Variants in TEX15 observed in about 807,000 individuals in gnomAD.
TEX15 encodes testis-expressed protein 15.
Under a neutral mutation model 237.3 loss-of-function variants are expected in TEX15, and 171 were observed. The ratio of observed to expected loss-of-function variants is 0.72; its 90% confidence interval spans 0.64 to 0.82. The LOEUF (loss-of-function observed/expected upper bound fraction) is 0.82, where lower values mean the gene tolerates loss of function less well. TEX15 is among the 40% of genes least tolerant of loss of function. TEX15 has a pLI of 0.00. For missense variants in TEX15, 3,750 were observed against 3,646.5 expected (o/e 1.03, Z -0.73); for synonymous variants, 1,338 against 1,269.8 (o/e 1.05, Z -1.14).
chr8:30,855,591 T>C (rs1807892089), intron 7 of TEX15, among the ~76,000 whole-genome samples: 1 of 152,184 alleles, frequency 6.6e-6, no homozygotes, highest in Admixed American at 6.5e-5. Flanking sequence ...CACTCTTGGA[T>C]ATACTGTACT....
intron 2 of TEX15, among the ~76,000 whole-genome samples, chr8:30,896,107 C>T (rs900933475): frequency 6.6e-6 from 1 of 152,066 alleles, no homozygotes; most frequent in Non-Finnish European, 1.5e-5. Flanking sequence ...AAGACTGGAA[C>T]ATCTGGAATG....
chr8:30,858,503 G>A (rs1055302920), intron 7 of TEX15, among the ~76,000 whole-genome samples, 165 bp downstream of exon 7: 2 of 151,924 alleles, frequency 1.3e-5, no homozygotes, highest in African/African-American at 2.4e-5. Context: ...CTAGAGACGG[G>A]GTTTTGCTAT....
At chr8:30,841,739 C>T (rs906026316) in intron 8 of TEX15, among the ~76,000 whole-genome samples, 1 of 152,016 alleles carries the variant, frequency 6.6e-6, no homozygotes, top group Non-Finnish European at 1.5e-5. Flanking sequence ...TTTTAAAATC[C>T]ACGTCCTTCC....
At chr8:30,862,055 G>T (rs1808062756) in intron 5 of TEX15, among the ~76,000 whole-genome samples, 1 of 152,086 alleles carries the variant, frequency 6.6e-6, no homozygotes, top group African/African-American at 2.4e-5. Flanking sequence ...ACACACTGTG[G>T]ATGGAAATGT....
At chr8:30,852,710 T>A (rs958881835) in intron 7 of TEX15, among the ~76,000 whole-genome samples, 1 of 151,538 alleles carries the variant, frequency 6.6e-6, no homozygotes, top group Non-Finnish European at 1.5e-5. Flanking sequence ...AAAATTGAAA[T>A]AAAAAAGTAG....
At chr8:30,838,518 G>A (rs1391765640) in intron 9 of TEX15, among the ~76,000 whole-genome samples, 3 of 151,530 alleles carry the variant, frequency 2.0e-5, no homozygotes, top group African/African-American at 7.3e-5. Flanking sequence ...AGACTAATAC[G>A]TTTTTGTCTG....
intron 1 of TEX15, among the ~76,000 whole-genome samples, chr8:30,905,951 C>T (rs1009626482): frequency 6.6e-6 from 1 of 151,786 alleles, no homozygotes; most frequent in Non-Finnish European, 1.5e-5. Flanking sequence ...ATTTTATCTG[C>T]CCCTTACTGA....
intron 3 of TEX15, among the ~76,000 whole-genome samples, chr8:30,879,926 CCTTT>C (rs1452903374): frequency 3.7e-5 from 4 of 106,786 alleles, no homozygotes; most frequent in East Asian, 4.3e-4. Context: ...ATTTAGATTT[CCTTT>C]TTTTTTTTAA....
At chr8:30,889,937 A>ATATATATATACATATATATATATATACG (rs1808752584) in intron 2 of TEX15, among the ~76,000 whole-genome samples, 13 of 124,310 alleles carry the variant, frequency 1.0e-4, no homozygotes, top group African/African-American at 4.2e-4. Context: ...TTATATACAT[A>ATATATATATACATATATATATATATACG]TATATATATA....
In TEX15 at chr8:30,848,890, G is replaced by A; in HGVS notation, c.1277C>T (p.Thr426Ile). 6.2e-7 allele frequency: 1 copy of A among 1,614,144 alleles called. No homozygotes were observed. Among genetic ancestry groups the A allele is most frequent in the Non-Finnish European group, 8.5e-7 (1 of 1,180,024 alleles). ...TGGGTCTTTGATGGATTTTGAAGTAGTGACTGTGCTTGAGCCAGTATTGTT... is the reference window on the plus strand; with the variant it reads ...TGGGTCTTTGATGGATTTTGAAGTAATGACTGTGCTTGAGCCAGTATTGTT... ...LHNNTGSSTV[T>I]TSKSIKDPRL... is the part of the protein sequence containing the mutation. Residue 426 changes from threonine to isoleucine, a missense_variant, in exon 8 of 11, where the codon ACT (threonine) becomes ATT (isoleucine). Thr to Ile is a moderately conservative substitution (Grantham distance 89). Coordinates refer to ENST00000643185, the MANE Select transcript of TEX15 (RefSeq NM_001350162.2).
Position 30,873,850 on chromosome 8 carries a change from T to C in TEX15, c.302+1087A>G, listed in dbSNP as rs1248791055. 9.2e-5 allele frequency among the ~76,000 whole-genome samples: 14 copies of C among 152,098 alleles called. No homozygotes were observed. In the South Asian group the frequency reaches 2.9e-3, roughly 31 times the overall value. On this transcript the variant is annotated intron_variant, in intron 4 of 10. Coordinates refer to ENST00000643185, the MANE Select transcript of TEX15 (RefSeq NM_001350162.2). ...ATGAGTTTTTGTCTAATTGGGCAAA[T>C]AGCTAAGAAAACAATAAATCCTATA...
chr8:30,880,171 G>C (rs951459193), intron 3 of TEX15, among the ~76,000 whole-genome samples: 24 of 151,958 alleles, frequency 1.6e-4, no homozygotes, highest in Non-Finnish European at 3.1e-4. Flanking sequence ...TGGGATTATA[G>C]GCACCCACCA....
chr8:30,845,498 G>A lies in TEX15; in HGVS notation c.4669C>T (p.Leu1557=), dbSNP rs1490109208. The A allele has an allele frequency of 1.2e-6, 2 of 1,613,406 alleles. No homozygotes were observed. The highest frequency in any genetic ancestry group is 2.7e-5 in the African/African-American group (2 of 74,906). The part of the protein sequence containing the change: ...HQPFSGKTAY[L]FSPDHSDEKL... ...TCATCTGAGTGGTCTGGGGAAAACA[G>A]ATATGCAGTTTTTCCAGAAAAGGGC... The change falls in exon 8 of 11, where the codon CTG becomes TTG. Residue 1557 remains leucine, a synonymous_variant. Coordinates refer to ENST00000643185, the MANE Select transcript of TEX15 (RefSeq NM_001350162.2).
At chr8:30,860,563 CTT>C (rs35815726) in intron 5 of TEX15, among the ~76,000 whole-genome samples, 15 of 127,008 alleles carry the variant, frequency 1.2e-4, no homozygotes, top group Admixed American at 2.4e-4. Context: ...AGAGAATCTA[CTT>C]TTTTTTTTTT....
rs765795437 is a variant in TEX15, at chr8:30,845,028, T to TTTA, written c.5136_5138dup (p.Ser1712_Lys1713insAsn). 2.9e-5 allele frequency: 47 copies of TTTA among 1,613,546 alleles called. No individual in the cohort carries two copies. Among genetic ancestry groups the TTTA allele is most frequent in the Admixed American group, 1.5e-4 (9 of 59,986 alleles). On this transcript the variant is annotated inframe_insertion, in exon 8 of 11. Transcript: ENST00000643185. The stretch of plus-strand genomic sequence containing the variant: ...CTGATAACTGAGGAATACTGTACTT[T>TTTA]TTACTTGCTATCAAAGTTAGGTTTA...
intron 1 of TEX15, among the ~76,000 whole-genome samples, chr8:30,912,450 G>A (rs760594007): frequency 8.5e-5 from 13 of 152,188 alleles, no homozygotes; most frequent in African/African-American, 2.7e-4. Context: ...CGCCTCCAGG[G>A]AGCCAGGGCG....
intron 10 of TEX15, among the ~76,000 whole-genome samples, chr8:30,834,881 T>C (rs1023033955): frequency 1.3e-5 from 2 of 152,322 alleles, no homozygotes; most frequent in East Asian, 1.9e-4. Context: ...ACTATGTCAA[T>C]AGGCTGCTTC....
intron 5 of TEX15, among the ~76,000 whole-genome samples, chr8:30,863,323 T>A (rs773324217): frequency 2.0e-5 from 3 of 152,142 alleles, no homozygotes; most frequent in Non-Finnish European, 2.9e-5. Flanking sequence ...TAAACCTGTA[T>A]TATGGTTAAT....
Position 30,845,095 on chromosome 8 carries a change from G to A in TEX15, c.5072C>T (p.Pro1691Leu). Residue 1691 changes from proline to leucine, a missense_variant, in exon 8 of 11, where the codon CCC (proline) becomes CTC (leucine). By Grantham distance (98) the Pro-to-Leu change is moderately conservative. Transcript: ENST00000643185. ...EVKWTDPIER[P>L]KQNIITGNFL... ...GTTTCCTGTAATAATGTTTTGTTTGGGTCTCTCAATAGGATCTGTCCACTT... is the reference window on the plus strand; with the variant it reads ...GTTTCCTGTAATAATGTTTTGTTTGAGTCTCTCAATAGGATCTGTCCACTT... 6.2e-7 allele frequency: 1 copy of A among 1,613,330 alleles called. No homozygotes were observed. Among genetic ancestry groups the A allele is most frequent in the Non-Finnish European group, 8.5e-7 (1 of 1,179,478 alleles).
Sources: gnomAD v4.1 joint callset for allele counts (sites outside exome capture counted in the v4.1 genomes callset) on GRCh38, gnomAD v4.1.1 for gene constraint, MANE v1.5 for transcripts, NCBI Gene and HGNC (gene_info 2026-07-23, HGNC 2026-07-21) for gene names.